Variants in GLRA2 observed in about 807,000 individuals in gnomAD.
The protein encoded by GLRA2 is glycine receptor alpha 2, also known as glycine receptor subunit alpha-2.
GLRA2 carries 11 observed loss-of-function variants against 31.6 expected under a neutral mutation model. The ratio of observed to expected loss-of-function variants is 0.35; its 90% confidence interval spans 0.22 to 0.58. The LOEUF is 0.58. Among genes scored for constraint, GLRA2 ranks in the 20% least tolerant of loss-of-function variants. The pLI, the probability that GLRA2 is intolerant of heterozygous loss-of-function variation, is 0.84. For synonymous variants in GLRA2, 132 were observed against 134.0 expected, an observed-to-expected ratio of 0.99 and a Z score of 0.10; for missense variants, 212 against 351.8, an observed-to-expected ratio of 0.60 and a Z score of 3.18.
At chrX:14,670,023 G>A (rs1364430870) in intron 7 of GLRA2, among the ~76,000 whole-genome samples, 1 of 112,078 alleles carries the variant, frequency 8.9e-6, no homozygotes, top group Non-Finnish European at 1.9e-5. Flanking sequence ...GTCACCTCTT[G>A]AATGCTTTGC....
chrX:14,515,306 G>A, the GLRA2 span, among the ~76,000 whole-genome samples: 1 of 111,375 alleles, frequency 9.0e-6, no homozygotes, highest in East Asian at 2.8e-4. Flanking sequence ...TTTTTTCTTT[G>A]TCTTTAGCTT....
At chrX:14,540,860 G>A (rs1386392822) in intron 2 of GLRA2, among the ~76,000 whole-genome samples, 2 of 108,499 alleles carry the variant, frequency 1.8e-5, no homozygotes, top group African/African-American at 6.7e-5. Flanking sequence ...AAAGAAGGAC[G>A]GAACTGGGGA....
At chrX:14,521,359 A>G in the GLRA2 span, among the ~76,000 whole-genome samples, 1 of 110,821 alleles carries the variant, frequency 9.0e-6, no homozygotes, top group Non-Finnish European at 1.9e-5. Context: ...AGGCAACTTC[A>G]TTTCTCTCTC....
chrX:14,498,556 A>G, the GLRA2 span, among the ~76,000 whole-genome samples: 1 of 110,962 alleles, frequency 9.0e-6, no homozygotes, highest in African/African-American at 3.3e-5. Flanking sequence ...ATTTGTACAG[A>G]TCAAATCAGT....
the GLRA2 span, among the ~76,000 whole-genome samples, chrX:14,489,908 TTTC>T: frequency 1.8e-5 from 2 of 111,578 alleles, no homozygotes; most frequent in Non-Finnish European, 3.8e-5. Flanking sequence ...GATTATTTTT[TTTC>T]TTTTTTTTTT....
At chrX:14,563,058 A>G (rs2089754805) in intron 2 of GLRA2, among the ~76,000 whole-genome samples, 1 of 112,681 alleles carries the variant, frequency 8.9e-6, no homozygotes, top group Non-Finnish European at 1.9e-5. Flanking sequence ...AGAGTTTCTT[A>G]GGGAAATTAG....
intron 7 of GLRA2, among the ~76,000 whole-genome samples, chrX:14,641,574 TGAG>T (rs1165141916): frequency 3.6e-5 from 4 of 111,623 alleles, no homozygotes; most frequent in African/African-American, 9.8e-5. Flanking sequence ...CTCATAGTGT[TGAG>T]GAGATCATCG....
At chrX:14,507,381 G>C in the GLRA2 span, among the ~76,000 whole-genome samples, 1 of 111,653 alleles carries the variant, frequency 9.0e-6, no homozygotes, top group Admixed American at 9.6e-5. Context: ...TAAGATCGTT[G>C]TGAACGTTAA....
chrX:14,694,857 A>T (rs1179700770), intron 8 of GLRA2, among the ~76,000 whole-genome samples: 2 of 111,952 alleles, frequency 1.8e-5, no homozygotes, highest in East Asian at 5.6e-4. Context: ...AAGAGATGAG[A>T]AGATGAATTG....
At chrX:14,477,552 A>T in the GLRA2 span, among the ~76,000 whole-genome samples, 1 of 111,471 alleles carries the variant, frequency 9.0e-6, no homozygotes, top group South Asian at 3.8e-4. Context: ...TTCAGCTGCT[A>T]TAGTTTAGTC....
upstream of GLRA2, among the ~76,000 whole-genome samples, chrX:14,526,498 A>G (rs1302323535): frequency 8.9e-6 from 1 of 111,991 alleles, no homozygotes; most frequent in Non-Finnish European, 1.9e-5. Flanking sequence ...TACAGGCAAG[A>G]GATAAAGATA....
At chrX:14,657,949 T>C (rs1404732628) in intron 7 of GLRA2, among the ~76,000 whole-genome samples, 3 of 111,707 alleles carry the variant, frequency 2.7e-5, no homozygotes, top group Non-Finnish European at 5.6e-5. Flanking sequence ...TTACCTTATA[T>C]GTATTATCAA....
Position 14,649,011 on chromosome X carries a change from C to T in GLRA2, c.930+39806C>T, listed in dbSNP as rs188702093. ...CGGGCGAATCACAAGGTCAAGAGAT[C>T]GAGACCATCCTGGCCAACACGGTGA... On this transcript the variant is annotated intron_variant, in intron 7 of 8. Transcript: ENST00000218075. 1.1e-4 allele frequency among the ~76,000 whole-genome samples: 12 copies of T among 111,087 alleles called. No homozygotes were observed. In the East Asian group the frequency reaches 3.4e-3, roughly 32 times the overall value.
chrX:14,563,203 C>A (rs2089756666), intron 2 of GLRA2, among the ~76,000 whole-genome samples: 1 of 112,213 alleles, frequency 8.9e-6, no homozygotes, highest in African/African-American at 3.2e-5. Flanking sequence ...AGTTCAAGCC[C>A]AGCTAGTTGT....
the GLRA2 span, among the ~76,000 whole-genome samples, chrX:14,455,129 T>A: frequency 9.0e-6 from 1 of 111,694 alleles, no homozygotes; most frequent in Non-Finnish European, 1.9e-5. Context: ...ATACCTCTGG[T>A]ACTAATGAGA....
intron 7 of GLRA2, among the ~76,000 whole-genome samples, chrX:14,665,407 A>C (rs1355650093): frequency 1.8e-5 from 2 of 112,121 alleles, no homozygotes; most frequent in Admixed American, 9.5e-5. Flanking sequence ...AAAAATGATA[A>C]ATTCCATTAG....
At chrX:14,640,303 A>G (rs974043373) in intron 7 of GLRA2, among the ~76,000 whole-genome samples, 1 of 111,476 alleles carries the variant, frequency 9.0e-6, no homozygotes, top group South Asian at 3.7e-4. Context: ...TCACAAAAAA[A>G]CGTAATCACT....
chrX:14,609,598 T>C (rs1353087182), intron 7 of GLRA2, among the ~76,000 whole-genome samples: 1 of 111,412 alleles, frequency 9.0e-6, no homozygotes, highest in Non-Finnish European at 1.9e-5. Context: ...GCAATTCATA[T>C]GTTTAGTGAA....
rs191519909 is a variant in GLRA2 at position 14,540,274 on chromosome X, C to T, written c.202+7902C>T. 1.3e-4 allele frequency among the ~76,000 whole-genome samples: 15 copies of T among 111,303 alleles called. No homozygotes were observed. The East Asian group carries it at 3.1e-3, about 23-fold the overall frequency. Reference sequence around the variant, plus strand: ...TAGTATTCTGGGACTATCAACAGAACTGAAGAAGCAAGGGAGGGAGTGATT... The same window carrying T: ...TAGTATTCTGGGACTATCAACAGAATTGAAGAAGCAAGGGAGGGAGTGATT... On this transcript the variant is annotated intron_variant, in intron 2 of 8. Coordinates refer to ENST00000218075, the MANE Select transcript of GLRA2 (RefSeq NM_002063.4).
Sources: gnomAD v4.1 joint callset for allele counts (sites outside exome capture counted in the v4.1 genomes callset) on GRCh38, gnomAD v4.1.1 for gene constraint, MANE v1.5 for transcripts, NCBI Gene and HGNC (gene_info 2026-07-23, HGNC 2026-07-21) for gene names.